The following NDUFB5 variants were observed in gnomAD, a reference collection of about 807,000 sequenced individuals.
NDUFB5 encodes NADH dehydrogenase [ubiquinone] 1 beta subcomplex subunit 5, mitochondrial.
In NDUFB5, 19 loss-of-function variants were observed where a neutral mutation model predicts 19.4. The ratio of observed to expected loss-of-function variants is 0.98; its 90% confidence interval spans 0.68 to 1.43. The LOEUF (loss-of-function observed/expected upper bound fraction) is 1.43. Among genes scored for constraint, NDUFB5 ranks in the 40% most tolerant of loss-of-function variants. The probability of loss-of-function intolerance (pLI) is 0.00; values close to 1 mark genes in which losing one functional copy is unlikely to be tolerated. For synonymous variants in NDUFB5, 80 were observed against 82.6 expected, an observed-to-expected ratio of 0.97 and a Z score of 0.17; for missense variants, 233 against 236.5, an observed-to-expected ratio of 0.99 and a Z score of 0.10.
chr3:179,621,545 T>G (rs1392062532), intron 5 of NDUFB5, among the ~76,000 whole-genome samples: 1 of 112,492 alleles, frequency 8.9e-6, no homozygotes, highest in East Asian at 3.4e-4. Flanking sequence ...CAGGCTGGAG[T>G]ACAGTGGCGT....
At chr3:179,609,507 C>A (rs557343596) in intron 1 of NDUFB5, among the ~76,000 whole-genome samples, 1 of 152,154 alleles carries the variant, frequency 6.6e-6, no homozygotes, top group Non-Finnish European at 1.5e-5. Flanking sequence ...ATGTGTTGAA[C>A]GAGGTATTTG....
intron 2 of NDUFB5, chr3:179,615,295 A>G (rs1576881284): frequency 3.2e-6 from 1 of 312,046 alleles, no homozygotes; most frequent in East Asian, 6.0e-5. Flanking sequence ...AACTTGAACC[A>G]TTCCTTTCTT....
chr3:179,623,711 A>G (rs1456633974), intron 5 of NDUFB5, among the ~76,000 whole-genome samples: 1 of 152,160 alleles, frequency 6.6e-6, no homozygotes, highest in Non-Finnish European at 1.5e-5. Flanking sequence ...TTTGATAGCT[A>G]TCTATATAAG....
intron 4 of NDUFB5, chr3:179,618,169 C>T (rs1719433236): frequency 6.2e-6 from 2 of 324,122 alleles, no homozygotes; most frequent in Non-Finnish European, 1.1e-5. Flanking sequence ...GTCAGACAGA[C>T]CTGGTTTGAG....
At chr3:179,605,601 G>A (rs984394142) in intron 1 of NDUFB5, among the ~76,000 whole-genome samples, 5 of 151,380 alleles carry the variant, frequency 3.3e-5, no homozygotes, top group African/African-American at 1.2e-4. Flanking sequence ...ATAGTTTTAG[G>A]GGTCTACGAA....
In NDUFB5 at chr3:179,604,824, C is replaced by G. The variant is rs774523127; in HGVS notation, c.9C>G (p.Ala3=). ...TCCTGCCCGTAGTAGCCATGGCGGC[C>G]ATGAGTTTGTTGCGGCGGGTTTCGG... MA[A]MSLLRRVSVT... is the part of the protein sequence containing the mutation. The change falls in exon 1 of 6, where the codon GCC becomes GCG. Residue 3 remains alanine (A), a synonymous_variant. Transcript: ENST00000259037. 1 of 1,607,900 alleles carries G rather than the reference C, an allele frequency of 6.2e-7. No homozygotes were observed. The highest frequency in any genetic ancestry group is 1.8e-5 in the Admixed American group (1 of 57,020).
chr3:179,607,304 A>G (rs1719130591), intron 1 of NDUFB5, among the ~76,000 whole-genome samples: 1 of 152,220 alleles, frequency 6.6e-6, no homozygotes, highest in Non-Finnish European at 1.5e-5. Flanking sequence ...CTGTCCCTAC[A>G]AGAATGTAAG....
At position 179,624,595 on chromosome 3, in the gene NDUFB5, A is replaced by T. The variant is rs1324654535; in HGVS notation, c.*555A>T. The stretch of plus-strand genomic sequence containing the variant: ...CGTACACACACACACACACACACAC[A>T]CACACACACGCTCTTTTCCTAGATG... On this transcript the variant is annotated 3_prime_UTR_variant, in exon 6 of 6. Transcript: ENST00000259037. 2 of 151,306 alleles carry T rather than the reference A, an allele frequency of 1.3e-5. No individual in the cohort carries two copies. The highest frequency in any genetic ancestry group is 2.9e-5 in the Non-Finnish European group (2 of 68,442). 9.4% of individuals were successfully genotyped at this position (151,306 alleles called of 1,614,324 possible).
intron 1 of NDUFB5, among the ~76,000 whole-genome samples, chr3:179,609,024 A>C (rs1270421578): frequency 1.3e-5 from 2 of 152,186 alleles, no homozygotes; most frequent in Admixed American, 6.5e-5. Flanking sequence ...TGGCTCTTGA[A>C]ACTGCGACCG....
At chr3:179,621,975 T>G (rs1382161700) in intron 5 of NDUFB5, among the ~76,000 whole-genome samples, 1 of 152,134 alleles carries the variant, frequency 6.6e-6, no homozygotes, top group Non-Finnish European at 1.5e-5. Flanking sequence ...ATGTCTTCCT[T>G]TTCTTTTTTT....
intron 3 of NDUFB5, 45 bp from the exon 4 acceptor site, chr3:179,616,938 A>G (rs1255750751): frequency 1.4e-6 from 2 of 1,433,308 alleles, no homozygotes; most frequent in East Asian, 2.3e-5. Context: ...TTAATTTTAT[A>G]AACTCCTCAT....
intron 1 of NDUFB5, among the ~76,000 whole-genome samples, chr3:179,605,366 C>A (rs143856124): frequency 6.6e-6 from 1 of 152,170 alleles, no homozygotes; most frequent in Non-Finnish European, 1.5e-5. Flanking sequence ...GGTAAAGAGG[C>A]TCAGGGCCAA....
intron 1 of NDUFB5, among the ~76,000 whole-genome samples, chr3:179,607,964 T>G (rs935090890): frequency 6.6e-6 from 1 of 152,216 alleles, no homozygotes; most frequent in Non-Finnish European, 1.5e-5. Flanking sequence ...TTATCCATCA[T>G]CTGTCAATTG....
intron 5 of NDUFB5, among the ~76,000 whole-genome samples, chr3:179,622,692 C>T (rs867970289): frequency 1.3e-5 from 2 of 152,072 alleles, no homozygotes; most frequent in South Asian, 2.1e-4. Flanking sequence ...AGAAAGAGAA[C>T]GTTATTTAAT....
In NDUFB5 at chr3:179,616,043, T is replaced by C; in HGVS notation, c.274T>C (p.Phe92Leu). ...AATTTTCATAACTCTGGTGAATGTA[T>C]TCATTGGTAAGTCACTTCCATCCCC... The part of the protein sequence containing the change: ...VAIFITLVNV[F>L]IGQAELAEIP... The change falls in exon 3 of 6, where the codon TTC becomes CTC. Residue 92 changes from phenylalanine (F) to leucine (L), a missense_variant. Phe to Leu is a conservative substitution (Grantham distance 22). Coordinates refer to ENST00000259037, the MANE Select transcript of NDUFB5 (RefSeq NM_002492.4). 1 of 1,613,388 alleles carries C rather than the reference T, an allele frequency of 6.2e-7. No homozygotes were observed. Among genetic ancestry groups the C allele is most frequent in the Non-Finnish European group, 8.5e-7 (1 of 1,179,516 alleles).
At chr3:179,606,228 A>T (rs961515343) in intron 1 of NDUFB5, among the ~76,000 whole-genome samples, 3 of 152,254 alleles carry the variant, frequency 2.0e-5, no homozygotes, top group Non-Finnish European at 2.9e-5. Flanking sequence ...CAAAGAAATT[A>T]CAATGTTATT....
Position 179,624,795 on chromosome 3 carries a change from C to CTTTTTTTTTTTTTTT in NDUFB5, c.*762_*776dup, listed in dbSNP as rs56727188. 3 of 97,268 alleles carry CTTTTTTTTTTTTTTT rather than the reference C, an allele frequency of 3.1e-5. No homozygotes were observed. The highest frequency in any genetic ancestry group is 4.3e-5 in the Non-Finnish European group (2 of 46,012). The allele number at this position is 97,268 out of a possible 1,614,324, so 6.0% of individuals were successfully genotyped here. ...GCATTTTTTAACATTATTTTCTTTT[C>CTTTTTTTTTTTTTTT]TTTTTTTTTTTTTTTTTTTTTGACG... is the stretch of plus-strand genomic sequence containing the variant. On this transcript the variant is annotated 3_prime_UTR_variant, in exon 6 of 6. Coordinates refer to ENST00000259037, the MANE Select transcript of NDUFB5 (RefSeq NM_002492.4).
intron 5 of NDUFB5, among the ~76,000 whole-genome samples, chr3:179,621,306 G>A (rs1719527668): frequency 6.6e-6 from 1 of 151,974 alleles, no homozygotes; most frequent in East Asian, 1.9e-4. Context: ...TCAAACACCT[G>A]GGTTCAAGCG....
chr3:179,627,186 A>C lies in NDUFB5; in HGVS notation c.*3146A>C, dbSNP rs201874843. 1 of 144,656 alleles carries C rather than the reference A, an allele frequency of 6.9e-6. No homozygotes were observed. Among genetic ancestry groups the C allele is most frequent in the African/African-American group, 2.5e-5 (1 of 40,784 alleles). 9.0% of individuals were successfully genotyped at this position (144,656 alleles called of 1,614,324 possible). A position where few individuals can be genotyped will look rare whatever the true frequency, so the allele number is the denominator to read the frequency against. The stretch of plus-strand genomic sequence containing the variant: ...AAACAACCAGATCTCTCAGGAACTC[A>C]TTGTTGTTAGAAAAGGAATTAAAAG... On this transcript the variant is annotated 3_prime_UTR_variant, in exon 6 of 6. Coordinates refer to ENST00000259037, the MANE Select transcript of NDUFB5 (RefSeq NM_002492.4).
Sources: gnomAD v4.1 joint callset for allele counts (sites outside exome capture counted in the v4.1 genomes callset) on GRCh38, gnomAD v4.1.1 for gene constraint, MANE v1.5 for transcripts, NCBI Gene and HGNC (gene_info 2026-07-23, HGNC 2026-07-21) for gene names.